Variants in LAMA2 observed in about 807,000 individuals in gnomAD.
LAMA2 encodes the protein laminin subunit alpha-2.
In LAMA2, 269 loss-of-function variants were observed where a neutral mutation model predicts 364.8. That is an observed-to-expected ratio of 0.74 (90% CI 0.67 to 0.82). The LOEUF (loss-of-function observed/expected upper bound fraction) is 0.82, where lower values mean the gene tolerates loss of function less well. LAMA2 is among the 40% of genes least tolerant of loss of function. LAMA2 has a pLI of 0.00. For missense variants in LAMA2, 3,807 were observed against 3,873.2 expected (o/e 0.98, Z 0.45); for synonymous variants, 1,379 against 1,370.6 (o/e 1.01, Z -0.14).
At chr6:129,440,421 T>C (rs945111189) in intron 42 of LAMA2, among the ~76,000 whole-genome samples, 2 of 151,986 alleles carry the variant, frequency 1.3e-5, no homozygotes, top group African/African-American at 4.8e-5. Context: ...TGAAAATACG[T>C]TAGTTTCCCT....
chr6:128,883,381 G>A (rs752223606), intron 1 of LAMA2, 24 bp downstream of exon 1: 8 of 1,569,774 alleles, frequency 5.1e-6, no homozygotes, highest in African/African-American at 1.4e-5. Context: ...ATGGGCTTGG[G>A]TTGCATCCTT....
intron 6 of LAMA2, 32 bp from the exon 7 acceptor site, chr6:129,148,936 TAAATGAGGCTA>T: frequency 7.7e-7 from 1 of 1,301,820 alleles, no homozygotes; most frequent in Non-Finnish European, 1.1e-6. Flanking sequence ...TTTATGGTTC[TAAATGAGGCTA>T]AAATTTGTGC....
chr6:129,119,315 C>G (rs1776664157), intron 4 of LAMA2, among the ~76,000 whole-genome samples: 1 of 152,044 alleles, frequency 6.6e-6, no homozygotes, highest in South Asian at 2.1e-4. Flanking sequence ...TTTATTTTAA[C>G]ATAGTATTCC....
chr6:129,497,887 C>CTCTT (rs1373620030), intron 58 of LAMA2, among the ~76,000 whole-genome samples: 4 of 152,290 alleles, frequency 2.6e-5, no homozygotes, highest in East Asian at 1.9e-4. Flanking sequence ...AGCTTGTCTT[C>CTCTT]TCTTTATACT....
intron 9 of LAMA2, 136 bp from the exon 10 acceptor site, chr6:129,177,570 C>A: frequency 1.2e-6 from 1 of 848,898 alleles, no homozygotes; most frequent in Non-Finnish European, 1.9e-6. Context: ...TTGGTTTTAA[C>A]TTTTCTTTAT....
intron 22 of LAMA2, among the ~76,000 whole-genome samples, chr6:129,302,971 A>G (rs1773639601): frequency 6.6e-6 from 1 of 152,108 alleles, no homozygotes; most frequent in Non-Finnish European, 1.5e-5. Flanking sequence ...TTTTAAATTT[A>G]GCATGTCAAT....
chr6:129,386,449 AT>A (rs1779023525), intron 35 of LAMA2, among the ~76,000 whole-genome samples: 1 of 151,946 alleles, frequency 6.6e-6, no homozygotes, highest in Non-Finnish European at 1.5e-5. Flanking sequence ...GGTGGGGGAG[AT>A]TTCTAAGAAA....
intron 1 of LAMA2, among the ~76,000 whole-genome samples, chr6:129,012,368 A>C (rs1226529100): frequency 1.3e-5 from 2 of 152,202 alleles, no homozygotes; most frequent in South Asian, 4.1e-4. Context: ...ATCTGTAAAT[A>C]ACCCCGAACT....
At chr6:129,024,953 C>T (rs1370954636) in intron 1 of LAMA2, among the ~76,000 whole-genome samples, 2 of 151,930 alleles carry the variant, frequency 1.3e-5, no homozygotes, top group Non-Finnish European at 2.9e-5. Flanking sequence ...TAGCAAGACC[C>T]TATCTCTGAA....
chr6:129,362,554 A>G (rs1777527196), intron 32 of LAMA2, among the ~76,000 whole-genome samples: 1 of 152,158 alleles, frequency 6.6e-6, no homozygotes, highest in Non-Finnish European at 1.5e-5. Context: ...CCCTTCTCTC[A>G]CAAAAATATT....
intron 1 of LAMA2, among the ~76,000 whole-genome samples, chr6:129,048,440 T>TTTTCTTTCTTTCTTTCTTTC (rs1271730400): frequency 4.8e-5 from 5 of 103,988 alleles, no homozygotes; most frequent in Admixed American, 1.0e-4. Context: ...TTCTTTTTTC[T>TTTTCTTTCTTTCTTTCTTTC]TTTCTTTCTT....
At chr6:129,058,600 C>T (rs536988663) in intron 2 of LAMA2, among the ~76,000 whole-genome samples, 261 of 152,152 alleles carry the variant, frequency 1.7e-3, no homozygotes, top group African/African-American at 6.0e-3. Flanking sequence ...AGACAAATGC[C>T]GGATGAGAGG....
intron 3 of LAMA2, among the ~76,000 whole-genome samples, chr6:129,061,530 A>T (rs766016843): frequency 2.0e-5 from 3 of 152,184 alleles, no homozygotes; most frequent in Non-Finnish European, 2.9e-5. Flanking sequence ...GCCTGTTTTT[A>T]TCAATTCAGC....
At chr6:129,022,012 C>T (rs1051824972) in intron 1 of LAMA2, among the ~76,000 whole-genome samples, 8 of 152,262 alleles carry the variant, frequency 5.3e-5, no homozygotes, top group African/African-American at 1.9e-4. Context: ...GAGAGTTCTC[C>T]AGTGCTTTAA....
intron 1 of LAMA2, among the ~76,000 whole-genome samples, chr6:128,941,716 A>G (rs1780172275): frequency 6.6e-6 from 1 of 152,236 alleles, no homozygotes; most frequent in Non-Finnish European, 1.5e-5. Flanking sequence ...AGTGAGAAAT[A>G]TGATGATGAT....
At chr6:129,256,800 A>ATATATG (rs56328498) in intron 14 of LAMA2, among the ~76,000 whole-genome samples, 1 of 138,252 alleles carries the variant, frequency 7.2e-6, no homozygotes, top group Non-Finnish European at 1.6e-5. Flanking sequence ...ATATATATAT[A>ATATATG]GTGGGTAGAA....
chr6:129,151,235 G>A (rs923785364), intron 7 of LAMA2, among the ~76,000 whole-genome samples: 1 of 152,134 alleles, frequency 6.6e-6, no homozygotes, highest in African/African-American at 2.4e-5. Flanking sequence ...TTTGGCATCA[G>A]GGTTTTACAT....
At chr6:129,076,698 G>A (rs531574005) in intron 3 of LAMA2, among the ~76,000 whole-genome samples, 5 of 151,386 alleles carry the variant, frequency 3.3e-5, no homozygotes, top group East Asian at 1.9e-4. Context: ...AAAAGATAGC[G>A]GTAGCAGATA....
At chr6:129,492,566 T>C (rs1784929299) in intron 58 of LAMA2, 83 bp downstream of exon 58, 2 of 1,186,836 alleles carry the variant, frequency 1.7e-6, no homozygotes, top group Admixed American at 1.7e-5. Flanking sequence ...ATTCAGGATA[T>C]CTAGTACACT....
Sources: gnomAD v4.1 joint callset for allele counts (sites outside exome capture counted in the v4.1 genomes callset) on GRCh38, gnomAD v4.1.1 for gene constraint, MANE v1.5 for transcripts, NCBI Gene and HGNC (gene_info 2026-07-23, HGNC 2026-07-21) for gene names.